Variants in CSMD3 observed in about 807,000 individuals in gnomAD.
CSMD3 encodes the protein CUB and Sushi multiple domains 3.
Under a neutral mutation model 435.2 loss-of-function variants are expected in CSMD3, and 177 were observed. That is an observed-to-expected ratio of 0.41 (90% CI 0.36 to 0.46). The LOEUF is 0.46. Ranked by LOEUF, CSMD3 falls within the 20% of genes least tolerant of loss-of-function variation. The probability of loss-of-function intolerance (pLI) is 0.34; values close to 1 mark genes in which losing one functional copy is unlikely to be tolerated. For synonymous variants in CSMD3, 1,656 were observed against 1,520.5 expected, an observed-to-expected ratio of 1.09 and a Z score of -2.07; for missense variants, 4,265 against 4,504.6, an observed-to-expected ratio of 0.95 and a Z score of 1.52.
In CSMD3 at chr8:112,306,120, C is replaced by T. The variant is rs143305992; in HGVS notation, c.7958G>A (p.Arg2653Gln). 43 of 1,612,676 alleles carry T rather than the reference C, an allele frequency of 2.7e-5. No individual in the cohort carries two copies. Among genetic ancestry groups the T allele is most frequent in the African/African-American group, 4.0e-5 (3 of 74,882 alleles). The change falls in exon 51 of 71, where the codon CGA becomes CAA. Residue 2653 changes from arginine to glutamine, a missense_variant. Physicochemically the swap from Arg to Gln is conservative, Grantham distance 43 (BLOSUM62 1). Around this residue, in one of 3 missense-constraint regions of CSMD3, gnomAD observed 3,255 missense variants for 3,380.2 expected, o/e 0.96. Transcript: ENST00000297405. ...TCCATCATTACAAAAATAGGTAACTCGCGTTCCTACCAAATAGTCTGTTGT... is the reference window on the plus strand; with the variant it reads ...TCCATCATTACAAAAATAGGTAACTTGCGTTCCTACCAAATAGTCTGTTGT... ...ILTTDYLVGT[R>Q]VTYFCNDGYR...
chr8:112,642,778 TA>T (rs1369898376), intron 20 of CSMD3, among the ~76,000 whole-genome samples: 9 of 152,188 alleles, frequency 5.9e-5, no homozygotes, highest in Non-Finnish European at 1.3e-4. Flanking sequence ...ATCTGTATTT[TA>T]AGTCCCAGTA....
chr8:113,239,144 A>G (rs2093183243), intron 3 of CSMD3, among the ~76,000 whole-genome samples: 1 of 152,024 alleles, frequency 6.6e-6, no homozygotes, highest in South Asian at 2.1e-4. Context: ...AAACTGAAAC[A>G]TTGGTTGCCT....
chr8:112,263,832 G>C lies in CSMD3; in HGVS notation c.9689-20C>G, dbSNP rs2130387406. ...TAACAGCTGCAATTACATTAAAAGT[G>C]ATTAGACACAGCTGTTGAAATATCC... On this transcript the variant is annotated intron_variant, in intron 60 of 70. Coordinates refer to ENST00000297405, the MANE Select transcript of CSMD3 (RefSeq NM_198123.2). 6.2e-7 allele frequency: 1 copy of C among 1,601,828 alleles called. No homozygotes were observed. Among genetic ancestry groups the C allele is most frequent in the Non-Finnish European group, 8.6e-7 (1 of 1,169,062 alleles).
intron 10 of CSMD3, among the ~76,000 whole-genome samples, chr8:112,873,961 T>G (rs768511925): frequency 4.6e-5 from 7 of 152,168 alleles, no homozygotes; most frequent in Non-Finnish European, 1.0e-4. Flanking sequence ...AGTTTGAATT[T>G]GTTTGCTCTT....
intron 32 of CSMD3, among the ~76,000 whole-genome samples, chr8:112,411,562 G>GT (rs1192366327): frequency 6.6e-6 from 1 of 152,018 alleles, no homozygotes; most frequent in Non-Finnish European, 1.5e-5. Flanking sequence ...TACATGCCTA[G>GT]TAAGTTATTT....
chr8:113,147,766 AC>A (rs1371048212), intron 4 of CSMD3, among the ~76,000 whole-genome samples: 1 of 151,432 alleles, frequency 6.6e-6, no homozygotes, highest in African/African-American at 2.4e-5. Flanking sequence ...TGGTCCATTT[AC>A]CCCCACTTGT....
chr8:112,620,527 T>A (rs1464381250), intron 22 of CSMD3, among the ~76,000 whole-genome samples: 2 of 152,120 alleles, frequency 1.3e-5, no homozygotes, highest in East Asian at 1.9e-4. Context: ...CTTTGTATTC[T>A]CAAAGCGATT....
chr8:113,178,845 G>C (rs541968609), intron 3 of CSMD3, among the ~76,000 whole-genome samples: 2 of 151,958 alleles, frequency 1.3e-5, no homozygotes, highest in South Asian at 4.1e-4. Flanking sequence ...TATTTCGAAA[G>C]GCTTGATCAT....
chr8:113,261,883 C>T (rs544181599), intron 3 of CSMD3, among the ~76,000 whole-genome samples: 7 of 152,026 alleles, frequency 4.6e-5, no homozygotes, highest in African/African-American at 1.7e-4. Context: ...GCTTACATGC[C>T]AAGTATTGCT....
chr8:112,552,531 AT>A, intron 26 of CSMD3, 62 bp downstream of exon 26: 1 of 1,480,776 alleles, frequency 6.8e-7, no homozygotes, highest in Non-Finnish European at 9.3e-7. Flanking sequence ...TATTAATTTT[AT>A]ATAGGGGTTG....
chr8:112,420,418 A>T (rs1812354346), intron 32 of CSMD3, among the ~76,000 whole-genome samples: 3 of 152,192 alleles, frequency 2.0e-5, no homozygotes, highest in African/African-American at 7.2e-5. Flanking sequence ...AAATTTAATG[A>T]TAATTTCTTT....
At chr8:112,957,742 C>T (rs776899936) in intron 7 of CSMD3, among the ~76,000 whole-genome samples, 3 of 139,780 alleles carry the variant, frequency 2.1e-5, no homozygotes, top group East Asian at 4.4e-4. Context: ...CCACAGCTCC[C>T]GGGCGTGTTT....
chr8:112,685,410 G>GT lies in CSMD3; in HGVS notation c.2477dup (p.Tyr826Ter). 1 of 1,612,218 alleles carries GT rather than the reference G, an allele frequency of 6.2e-7. No individual in the cohort carries two copies. Among genetic ancestry groups the GT allele is most frequent in the South Asian group, 1.1e-5 (1 of 91,038 alleles). Residue 826 changes from tyrosine (Y) to a stop codon, truncating the protein, a stop_gained and frameshift_variant, in exon 15 of 71, where the codon TAC becomes TAAC. Coordinates refer to ENST00000297405, the MANE Select transcript of CSMD3 (RefSeq NM_198123.2). LOFTEE classifies it high-confidence loss of function. ...AAAACAGAAACAGAAACTTACTGTT[G>GT]TAAGTGATGTTAAAGCCACGTCCTG... ...SMSGRGFNITYNTFGHNECPD... is the reference protein window; with the variant it reads ...SMSGRGFNIT
chr8:112,312,172 A>C (rs1185438090), intron 49 of CSMD3, among the ~76,000 whole-genome samples: 1 of 152,238 alleles, frequency 6.6e-6, no homozygotes, highest in Non-Finnish European at 1.5e-5. Flanking sequence ...TTTAATAAAA[A>C]GATATTTACA....
intron 31 of CSMD3, among the ~76,000 whole-genome samples, chr8:112,487,457 T>C (rs959054252): frequency 6.6e-6 from 1 of 152,116 alleles, no homozygotes; most frequent in African/African-American, 2.4e-5. Flanking sequence ...TCAAAGAATG[T>C]AGCAGAGGGA....
At chr8:112,336,915 T>C in intron 43 of CSMD3, 86 bp from the exon 44 acceptor site, 1 of 1,132,632 alleles carries the variant, frequency 8.8e-7, no homozygotes. Context: ...TCACATATCT[T>C]AAGCATTATG....
At chr8:113,373,356 TG>T (rs1323227871) in intron 1 of CSMD3, among the ~76,000 whole-genome samples, 1 of 152,144 alleles carries the variant, frequency 6.6e-6, no homozygotes. Flanking sequence ...TTTGATTTTA[TG>T]GACACACACA....
At chr8:113,234,971 A>G (rs987459220) in intron 3 of CSMD3, among the ~76,000 whole-genome samples, 2 of 152,054 alleles carry the variant, frequency 1.3e-5, no homozygotes, top group African/African-American at 2.4e-5. Flanking sequence ...CATCTGCTCT[A>G]TGGAGCGTCT....
rs2130786859 is a variant in CSMD3, at chr8:112,306,059, T to C, written c.8019A>G (p.Val2673=). The part of the protein sequence containing the change: ...RLSSKELTTA[V]CQSDGTWSNH... ...TGCTCCATGTTCCATCTGATTGGCATACAGCTGTAGTGAGTTCTTTGGATG... is the reference window on the plus strand; with the variant it reads ...TGCTCCATGTTCCATCTGATTGGCACACAGCTGTAGTGAGTTCTTTGGATG... The change falls in exon 51 of 71, where the codon GTA becomes GTG. Residue 2673 remains valine (V), a synonymous_variant. Transcript: ENST00000297405. The C allele has an allele frequency of 1.2e-6, 2 of 1,613,916 alleles. No homozygotes were observed. The highest frequency in any genetic ancestry group is 8.5e-7 in the Non-Finnish European group (1 of 1,179,868).
Sources: allele counts gnomAD v4.1 joint callset (sites outside exome capture counted in the v4.1 genomes callset), GRCh38; gene constraint gnomAD v4.1.1; regional missense constraint gnomAD v4.1.1; transcripts MANE v1.5; gene names NCBI Gene and HGNC (gene_info 2026-07-23, HGNC 2026-07-21).